Variants in DOCK10 observed in about 807,000 individuals in gnomAD.
DOCK10 encodes the protein dedicator of cytokinesis 10, also known as dedicator of cytokinesis protein 10.
DOCK10 carries 145 observed loss-of-function variants against 280.1 expected under a neutral mutation model. The observed-to-expected ratio is 0.52, with a 90% CI of 0.45 to 0.59. The LOEUF is 0.59. Ranked by LOEUF, DOCK10 falls within the 20% of genes least tolerant of loss-of-function variation. DOCK10 has a pLI of 0.00. For missense variants in DOCK10, 2,368 were observed against 2,651.7 expected (o/e 0.89, Z 2.35); for synonymous variants, 915 against 942.2 (o/e 0.97, Z 0.53).
chr2:224,943,840 T>C (rs10165002), intron 1 of DOCK10, among the ~76,000 whole-genome samples: 89,079 of 149,242 alleles, frequency 0.6, 26,854 homozygotes, highest in Non-Finnish European at 0.64. Context: ...CTCGGCTCAC[T>C]GCAACCTCTG....
At chr2:224,895,537 C>T (rs769635664) in intron 4 of DOCK10, among the ~76,000 whole-genome samples, 18 of 152,148 alleles carry the variant, frequency 1.2e-4, no homozygotes, top group Non-Finnish European at 2.4e-4. Context: ...TCTGTTTGTT[C>T]GTCCAATAAG....
chr2:224,966,970 C>T (rs1704785736), intron 1 of DOCK10, among the ~76,000 whole-genome samples: 1 of 151,732 alleles, frequency 6.6e-6, no homozygotes, highest in Non-Finnish European at 1.5e-5. Flanking sequence ...TGTTTGCAAA[C>T]CCCTTCAGTT....
chr2:224,785,307 T>G (rs1051014869), intron 50 of DOCK10, among the ~76,000 whole-genome samples: 2 of 151,540 alleles, frequency 1.3e-5, no homozygotes, highest in African/African-American at 4.9e-5. Context: ...TTTTTTGGTA[T>G]AGATTGTTTA....
rs1233110714 is a variant in DOCK10, at chr2:224,787,261, G to T, written c.5541+14C>A. 2 of 1,613,808 alleles carry T rather than the reference G, an allele frequency of 1.2e-6. No individual in the cohort carries two copies. Among genetic ancestry groups the T allele is most frequent in the Admixed American group, 1.7e-5 (1 of 59,998 alleles). On this transcript the variant is annotated intron_variant, in intron 49 of 55. Coordinates refer to ENST00000258390, the MANE Select transcript of DOCK10 (RefSeq NM_014689.3). Reference sequence around the variant, plus strand: ...GGATATTTTAATTAACTTCTAGGGGGTTGGAATACATACTTTGAAGTCTCG... The same window carrying T: ...GGATATTTTAATTAACTTCTAGGGGTTTGGAATACATACTTTGAAGTCTCG...
intron 1 of DOCK10, chr2:224,946,864 T>A (rs13021295): frequency 0.28 from 426,495 of 1,539,926 alleles, 61,196 homozygotes; most frequent in Middle Eastern, 0.35. Flanking sequence ...AATCTGTGGA[T>A]TTCTTCTTGG....
In DOCK10 at chr2:224,983,497, G is replaced by A. The variant is rs184703502; in HGVS notation, c.124-51829C>T. 1.7e-3 allele frequency: 321 copies of A among 185,008 alleles called. 4 individuals are homozygous for A. The highest frequency in any genetic ancestry group is 2.1e-3 in the Non-Finnish European group (205 of 97,446). 11.5% of individuals were successfully genotyped at this position (185,008 alleles called of 1,614,324 possible). ...AGCTAATTCTTCCAGTGTAACTCTTGGAGATTCAAAGAAAAAAAAATGTTT... is the reference window on the plus strand; with the variant it reads ...AGCTAATTCTTCCAGTGTAACTCTTAGAGATTCAAAGAAAAAAAAATGTTT... On this transcript the variant is annotated intron_variant, in intron 1 of 55. Coordinates refer to ENST00000258390, the MANE Select transcript of DOCK10 (RefSeq NM_014689.3).
chr2:224,934,161 G>A (rs916981290), intron 1 of DOCK10, among the ~76,000 whole-genome samples: 6 of 152,204 alleles, frequency 3.9e-5, no homozygotes, highest in African/African-American at 9.6e-5. Flanking sequence ...ACCTTGGTTC[G>A]ATATACCCAA....
At chr2:224,957,664 C>T (rs760871724) in intron 1 of DOCK10, among the ~76,000 whole-genome samples, 34 of 152,086 alleles carry the variant, frequency 2.2e-4, no homozygotes, top group Non-Finnish European at 8.8e-5. Context: ...AGAGTTAGTA[C>T]CTCTTGAAAG....
intron 55 of DOCK10, among the ~76,000 whole-genome samples, chr2:224,766,452 C>T (rs1690082799): frequency 6.6e-6 from 1 of 152,222 alleles, no homozygotes; most frequent in Non-Finnish European, 1.5e-5. Flanking sequence ...CATCTCTACT[C>T]TTCCAAGATA....
chr2:224,845,483 C>T (rs747436471), intron 20 of DOCK10, 36 bp downstream of exon 20: 3 of 1,597,726 alleles, frequency 1.9e-6, no homozygotes, highest in Non-Finnish European at 2.6e-6. Flanking sequence ...AAACAGAAGA[C>T]ATGTGACTCT....
Position 224,870,718 on chromosome 2 carries a change from T to C in DOCK10, c.1257+3278A>G, listed in dbSNP as rs536864876. ...TATTTGGTTCCTGGCCCCTTCTCTA[T>C]GGTCATAGATATTTTTAGATCCCGC... On this transcript the variant is annotated intron_variant, in intron 11 of 55. Coordinates refer to ENST00000258390, the MANE Select transcript of DOCK10 (RefSeq NM_014689.3). Among the ~76,000 whole-genome samples, 8 of 152,132 alleles carry C rather than the reference T, an allele frequency of 5.3e-5. No individual in the cohort carries two copies. The East Asian group carries it at 1.5e-3, about 29-fold the overall frequency.
In DOCK10 at chr2:225,042,125, G is replaced by A. The variant is rs1690449155; in HGVS notation, c.123+127C>T. ...GGAGCCCGCAGAGGCGGCGGGGGAGGGAGTGCGGAGGAGAGGACCCGTGAG... is the reference window on the plus strand; with the variant it reads ...GGAGCCCGCAGAGGCGGCGGGGGAGAGAGTGCGGAGGAGAGGACCCGTGAG... On this transcript the variant is annotated intron_variant, in intron 1 of 55. Coordinates refer to ENST00000258390, the MANE Select transcript of DOCK10 (RefSeq NM_014689.3). This position sits in a 1 kb window ranked among gnomAD's most constrained non-coding sequence, Gnocchi z 5.1. 2 of 1,087,400 alleles carry A rather than the reference G, an allele frequency of 1.8e-6. No homozygotes were observed. The highest frequency in any genetic ancestry group is 1.2e-6 in the Non-Finnish European group (1 of 863,338). The allele number at this position is 1,087,400 out of a possible 1,614,324, so 67.4% of individuals were successfully genotyped here. A position where few individuals can be genotyped will look rare whatever the true frequency, so the allele number is the denominator to read the frequency against.
At position 224,805,503 on chromosome 2, in the gene DOCK10, C is replaced by T; in HGVS notation, c.3841G>A (p.Val1281Ile). The T allele has an allele frequency of 6.2e-7, 1 of 1,612,496 alleles. No individual in the cohort carries two copies. The highest frequency in any genetic ancestry group is 8.5e-7 in the Non-Finnish European group (1 of 1,179,018). Residue 1281 changes from valine to isoleucine, a missense_variant, in exon 35 of 56, where the codon GTA (valine) becomes ATA (isoleucine). Transcript: ENST00000258390. The surrounding 1 kb of genome is among the most constrained non-coding windows in gnomAD (Gnocchi z 4.3). ...AAFSSIAIST[V>I]NHADSRASLA... is the part of the protein sequence containing the mutation. Reference sequence around the variant, plus strand: ...GATGCTCTGGAGTCAGCATGGTTTACTGTAGAAATAGCTATTGATGAAAAT... The same window carrying T: ...GATGCTCTGGAGTCAGCATGGTTTATTGTAGAAATAGCTATTGATGAAAAT...
intron 1 of DOCK10, chr2:224,983,835 G>A (rs1457010144): frequency 2.1e-6 from 1 of 470,946 alleles, no homozygotes; most frequent in Non-Finnish European, 4.4e-6. Flanking sequence ...GAAAAAAAAT[G>A]CTAATGATGC....
At chr2:224,780,760 C>T (rs959280204) in intron 50 of DOCK10, among the ~76,000 whole-genome samples, 1 of 152,008 alleles carries the variant, frequency 6.6e-6, no homozygotes, top group Non-Finnish European at 1.5e-5. Context: ...ATTAGCTGGG[C>T]ATGGTGACAC....
rs376051175 is a variant in DOCK10, at chr2:224,853,022, C to A, written c.1989G>T (p.Lys663Asn). Residue 663 changes from lysine (K) to asparagine (N), a missense_variant, in exon 17 of 56, where the codon AAG becomes AAT. Transcript: ENST00000258390. The stretch of plus-strand genomic sequence containing the variant: ...TATATACTCTGTAAGGCCGACAATA[C>A]TTTGTTGAATCGTAAACAAATTCTT... The part of the protein sequence containing the change: ...EVEEFVYDST[K>N]YCRPYRVYKN... 1 of 1,612,404 alleles carries A rather than the reference C, an allele frequency of 6.2e-7. No homozygotes were observed. The highest frequency in any genetic ancestry group is 1.3e-5 in the African/African-American group (1 of 74,904).
chr2:224,921,112 A>AAAAAAAAAAATATATATATATATATATAT, intron 2 of DOCK10, among the ~76,000 whole-genome samples: 3 of 54,410 alleles, frequency 5.5e-5, no homozygotes, highest in African/African-American at 1.6e-4. Flanking sequence ...AAAAAAAAAA[A>AAAAAAAAAAATATATATATATATATATAT]ATATATATAT....
intron 2 of DOCK10, among the ~76,000 whole-genome samples, chr2:224,928,954 A>C (rs1206693179): frequency 6.6e-6 from 1 of 152,140 alleles, no homozygotes; most frequent in Non-Finnish European, 1.5e-5. Flanking sequence ...AGCCATACCA[A>C]TCTCCAATCT....
chr2:224,799,374 A>G (rs887381925), intron 41 of DOCK10, among the ~76,000 whole-genome samples: 1 of 152,258 alleles, frequency 6.6e-6, no homozygotes, highest in Non-Finnish European at 1.5e-5. Flanking sequence ...AGTCTATTGT[A>G]TGGATATACC....
Sources: gnomAD v4.1 joint callset for allele counts (sites outside exome capture counted in the v4.1 genomes callset) on GRCh38, gnomAD v4.1.1 for gene constraint, Gnocchi (gnomAD v3.1) non-coding constraint, MANE v1.5 for transcripts, NCBI Gene and HGNC (gene_info 2026-07-23, HGNC 2026-07-21) for gene names.